ST7: variants seen among roughly 807,000 people sequenced by gnomAD.
ST7 encodes the protein suppression of tumorigenicity 7.
In ST7, 28 loss-of-function variants were observed where a neutral mutation model predicts 78.7. The ratio of observed to expected loss-of-function variants is 0.36; its 90% CI spans 0.26 to 0.49. The LOEUF (loss-of-function observed/expected upper bound fraction) is 0.49. Among genes scored for constraint, ST7 ranks in the 20% least tolerant of loss-of-function variants. ST7 has a pLI of 0.99. For synonymous variants in ST7, 247 were observed against 249.6 expected (o/e 0.99, Z 0.10); for missense variants, 418 against 696.0 (o/e 0.60, Z 4.49).
In ST7 at chr7:117,129,807, C is replaced by A. The variant is rs1302994175; in HGVS notation, c.409C>A (p.Arg137=). 1.1e-5 allele frequency: 17 copies of A among 1,609,860 alleles called. No individual in the cohort carries two copies. The highest frequency in any genetic ancestry group is 1.4e-5 in the Non-Finnish European group (17 of 1,177,866). ...RQSVSECKVW[R]NPLNLFRGAE... ...CTTTGTTGCAGAATGCAAAGTATGGCGAAATCCACTAAATTTATTTAGGGG... is the reference window on the plus strand; with the variant it reads ...CTTTGTTGCAGAATGCAAAGTATGGAGAAATCCACTAAATTTATTTAGGGG... The change falls in exon 4 of 16, where the codon CGA becomes AGA. Residue 137 remains arginine (R), a synonymous_variant. Coordinates refer to ENST00000323984, the MANE Select transcript of ST7 (RefSeq NM_001369598.1).
chr7:117,136,828 C>T (rs1804829816), intron 8 of ST7: 1 of 152,616 alleles, frequency 6.6e-6, no homozygotes, highest in Non-Finnish European at 1.5e-5. Context: ...TTTAAGATAA[C>T]TCTTTAAAAT....
chr7:116,989,562 A>C (rs1794334653), intron 1 of ST7, among the ~76,000 whole-genome samples: 1 of 151,372 alleles, frequency 6.6e-6, no homozygotes, highest in Non-Finnish European at 1.5e-5. Context: ...TTTGTTAGAA[A>C]TTTTCCTCAA....
chr7:117,159,665 T>C (rs940053818), intron 9 of ST7, among the ~76,000 whole-genome samples: 3 of 152,190 alleles, frequency 2.0e-5, no homozygotes, highest in Non-Finnish European at 2.9e-5. Context: ...AAGTATTTAT[T>C]TGGTACATTA....
rs1354618252 is a variant in ST7 at position 117,012,340 on chromosome 7, G to A, written c.151+58649G>A. 2.7e-5 allele frequency among the ~76,000 whole-genome samples: 4 copies of A among 148,608 alleles called. No individual in the cohort carries two copies. The East Asian group carries it at 7.9e-4, about 30-fold the overall frequency. ...ACCTACTCTACACAGGCAGTATTGT[G>A]TACTGGTTAAGCACAAGGATTCTGA... On this transcript the variant is annotated intron_variant, in intron 1 of 15. Transcript: ENST00000323984.
intron 1 of ST7, chr7:117,072,203 TAAAAG>T (rs1345719429): frequency 1.3e-5 from 2 of 152,196 alleles, no homozygotes; most frequent in South Asian, 2.1e-4. Flanking sequence ...AATACATTCT[TAAAAG>T]AAATACAGCA....
chr7:117,223,101 C>T, intron 15 of ST7: 1 of 694,576 alleles, frequency 1.4e-6, no homozygotes, highest in Non-Finnish European at 2.6e-6. Context: ...TTCCCTCTCT[C>T]ACTCCCCACA....
At chr7:117,002,813 C>CTTTTTTT (rs397970060) in intron 1 of ST7, among the ~76,000 whole-genome samples, 22 of 72,152 alleles carry the variant, frequency 3.0e-4, no homozygotes, top group East Asian at 5.1e-4. Flanking sequence ...ATTTTTTTTC[C>CTTTTTTT]TTTTTTTTTT....
intron 12 of ST7, among the ~76,000 whole-genome samples, chr7:117,205,335 G>A (rs1791651867): frequency 6.6e-6 from 1 of 151,936 alleles, no homozygotes; most frequent in South Asian, 2.1e-4. Context: ...CTGGTTTTGG[G>A]AGCAACTTAA....
chr7:117,150,497 CTCTT>C (rs1268481947), intron 9 of ST7, among the ~76,000 whole-genome samples: 2 of 152,170 alleles, frequency 1.3e-5, no homozygotes, highest in East Asian at 3.9e-4. Flanking sequence ...TCCTGGAACA[CTCTT>C]TCCTGCTGTC....
At chr7:117,160,456 G>T (rs974388604) in intron 9 of ST7, among the ~76,000 whole-genome samples, 11 of 151,610 alleles carry the variant, frequency 7.3e-5, no homozygotes, top group Non-Finnish European at 1.5e-4. Flanking sequence ...ACTTTCCCTG[G>T]GTATCAACCC....
intron 9 of ST7, chr7:117,146,091 T>C (rs981971750): frequency 6.6e-6 from 1 of 152,210 alleles, no homozygotes; most frequent in African/African-American, 2.4e-5. Flanking sequence ...TACATTCTGC[T>C]AAGAAATTTA....
chr7:117,082,348 C>CCAG (rs1167014700), intron 1 of ST7, among the ~76,000 whole-genome samples: 5 of 152,134 alleles, frequency 3.3e-5, no homozygotes, highest in Admixed American at 3.3e-4. Flanking sequence ...ACCAGAAATA[C>CCAG]CCAATTTGAC....
chr7:117,140,630 C>T (rs1214340348), intron 9 of ST7, among the ~76,000 whole-genome samples: 1 of 151,910 alleles, frequency 6.6e-6, no homozygotes, highest in Non-Finnish European at 1.5e-5. Context: ...TTCTCTCTTC[C>T]TCTCTCGACA....
intron 9 of ST7, among the ~76,000 whole-genome samples, chr7:117,138,989 T>G (rs1046311259): frequency 6.6e-6 from 1 of 152,174 alleles, no homozygotes; most frequent in Non-Finnish European, 1.5e-5. Flanking sequence ...AAATTACTAC[T>G]CTCAAATTTA....
At chr7:117,186,482 A>G (rs1809273151) in intron 10 of ST7, among the ~76,000 whole-genome samples, 1 of 152,220 alleles carries the variant, frequency 6.6e-6, no homozygotes, top group Non-Finnish European at 1.5e-5. Context: ...GGCAGTAACA[A>G]GATCTCATCA....
intron 9 of ST7, among the ~76,000 whole-genome samples, chr7:117,170,080 G>T (rs1429489628): frequency 3.9e-5 from 6 of 152,050 alleles, no homozygotes; most frequent in Non-Finnish European, 8.8e-5. Context: ...GCTTGAAAGG[G>T]TAATGCCCCC....
intron 1 of ST7, among the ~76,000 whole-genome samples, chr7:117,009,613 T>C (rs1285479173): frequency 6.6e-6 from 1 of 152,264 alleles, no homozygotes; most frequent in African/African-American, 2.4e-5. Context: ...TTCTTATTTT[T>C]ATCAGGCATT....
chr7:117,074,752 T>G (rs1187069338), intron 1 of ST7: 1 of 152,214 alleles, frequency 6.6e-6, no homozygotes, highest in African/African-American at 2.4e-5. Flanking sequence ...TAAACAATGG[T>G]GTTCTATTTA....
chr7:117,009,179 ATCT>A (rs1236314167), intron 1 of ST7, among the ~76,000 whole-genome samples: 2 of 150,916 alleles, frequency 1.3e-5, no homozygotes, highest in Non-Finnish European at 1.5e-5. Context: ...GAAATTTGTG[ATCT>A]TCTTTGCTTA....
Sources: allele counts gnomAD v4.1 joint callset (sites outside exome capture counted in the v4.1 genomes callset), GRCh38; gene constraint gnomAD v4.1.1; transcripts MANE v1.5; gene names NCBI Gene and HGNC (gene_info 2026-07-23, HGNC 2026-07-21).